The following CCDC15 variants were observed in gnomAD, a reference collection of about 807,000 sequenced individuals.
The protein encoded by CCDC15 is coiled-coil domain containing 15.
Under a neutral mutation model 114.5 loss-of-function variants are expected in CCDC15, and 105 were observed. That is an observed-to-expected ratio of 0.92 (90% CI 0.78 to 1.08). The LOEUF (loss-of-function observed/expected upper bound fraction) is 1.08. Among genes scored for constraint, CCDC15 ranks in the 50% least tolerant of loss-of-function variants. The probability of loss-of-function intolerance (pLI) is 0.00; values close to 1 mark genes in which losing one functional copy is unlikely to be tolerated. For synonymous variants in CCDC15, 334 were observed against 377.8 expected (o/e 0.88, Z 1.34); for missense variants, 1,105 against 1,093.6 (o/e 1.01, Z -0.15).
chr11:124,991,404 T>C (rs1948265656), intron 8 of CCDC15, 57 bp from the exon 9 acceptor site: 2 of 1,185,594 alleles, frequency 1.7e-6, no homozygotes, highest in Admixed American at 4.8e-5. Flanking sequence ...AGAATATTAT[T>C]GCCATCATAT....
intron 14 of CCDC15, 81 bp downstream of exon 14, chr11:125,038,685 G>A: frequency 7.6e-7 from 1 of 1,309,204 alleles, no homozygotes; most frequent in South Asian, 1.6e-5. Flanking sequence ...CCTTAGAAGA[G>A]AATTGACTGT....
At chr11:124,971,230 G>A (rs898459509) in intron 4 of CCDC15, among the ~76,000 whole-genome samples, 1 of 152,160 alleles carries the variant, frequency 6.6e-6, no homozygotes, top group Admixed American at 6.5e-5. Flanking sequence ...GAAAGGAATA[G>A]CATCGACATC....
chr11:125,024,159 G>A (rs981388963), intron 13 of CCDC15, among the ~76,000 whole-genome samples: 1 of 151,876 alleles, frequency 6.6e-6, no homozygotes, highest in Admixed American at 6.6e-5. Context: ...TGTATTCCCA[G>A]CTTTCTCTTC....
intron 11 of CCDC15, among the ~76,000 whole-genome samples, chr11:125,003,345 T>C (rs1385736666): frequency 6.6e-6 from 1 of 151,996 alleles, no homozygotes; most frequent in Non-Finnish European, 1.5e-5. Flanking sequence ...ACCCATGTAA[T>C]GTCCAAGTAG....
chr11:125,020,311 G>T (rs1948653513), intron 13 of CCDC15, among the ~76,000 whole-genome samples: 1 of 151,844 alleles, frequency 6.6e-6, no homozygotes, highest in Admixed American at 6.6e-5. Context: ...CTTGGTGTTG[G>T]CAGATTTCTG....
rs965489105 is a variant in CCDC15, at chr11:124,996,702, C to T, written c.2214+3459C>T. Among the ~76,000 whole-genome samples, 7 of 152,166 alleles carry T rather than the reference C, an allele frequency of 4.6e-5. No homozygotes were observed. In the South Asian group the frequency reaches 8.3e-4, roughly 18 times the overall value. On this transcript the variant is annotated intron_variant, in intron 11 of 15. Coordinates refer to ENST00000344762, the MANE Select transcript of CCDC15 (RefSeq NM_025004.3). ...CCATATACCCGTTAAACAGTAATTTCTCAGTCTCTTCTCCCCATGTCCCTG... is the reference window on the plus strand; with the variant it reads ...CCATATACCCGTTAAACAGTAATTTTTCAGTCTCTTCTCCCCATGTCCCTG...
chr11:125,008,575 C>T (rs1467799230), intron 13 of CCDC15, among the ~76,000 whole-genome samples: 2 of 152,104 alleles, frequency 1.3e-5, no homozygotes, highest in African/African-American at 2.4e-5. Context: ...ACATCTTTGG[C>T]TTGTTTCTTA....
chr11:125,003,218 G>T (rs1053651957), intron 11 of CCDC15, among the ~76,000 whole-genome samples: 1 of 151,816 alleles, frequency 6.6e-6, no homozygotes, highest in Non-Finnish European at 1.5e-5. Context: ...AAATACAATT[G>T]ATTTTTGTAT....
chr11:125,016,505 A>G (rs756109939), intron 13 of CCDC15, among the ~76,000 whole-genome samples: 4 of 152,200 alleles, frequency 2.6e-5, no homozygotes, highest in South Asian at 2.1e-4. Context: ...GAGCTCTAGT[A>G]TAACAATTTC....
rs1555068532 is a variant in CCDC15, at chr11:124,986,719, G to GCGCGCA, written c.754-23_754-22insCGCGCA. On this transcript the variant is annotated intron_variant, in intron 6 of 15. Transcript: ENST00000344762. ...TGTGTGTGCGCGCGCGCGCGTGCGC[G>GCGCGCA]TTTTCATTGTTTTTTTCTTTAGGAA... 2.0e-5 allele frequency: 31 copies of GCGCGCA among 1,532,750 alleles called. No individual in the cohort carries two copies. In the African/African-American group the frequency reaches 2.8e-4, roughly 14 times the overall value. 94.9% of individuals were successfully genotyped at this position (1,532,750 alleles called of 1,614,324 possible). A position where few individuals can be genotyped will look rare whatever the true frequency, so the allele number is the denominator to read the frequency against.
At chr11:125,030,742 CA>C (rs947277838) in intron 13 of CCDC15, among the ~76,000 whole-genome samples, 15 of 152,154 alleles carry the variant, frequency 9.9e-5, no homozygotes, top group African/African-American at 3.6e-4. Flanking sequence ...AGTGGCAGTC[CA>C]TGTTGCTGAG....
intron 4 of CCDC15, among the ~76,000 whole-genome samples, chr11:124,964,372 G>C (rs1273373167): frequency 1.3e-5 from 2 of 152,164 alleles, no homozygotes; most frequent in African/African-American, 2.4e-5. Flanking sequence ...CTTCATGTAA[G>C]TTGGATTCCT....
Position 125,011,239 on chromosome 11 carries a change from A to T in CCDC15, c.2411+6027A>T, listed in dbSNP as rs566736138. Among the ~76,000 whole-genome samples, 320 of 135,156 alleles carry T rather than the reference A, an allele frequency of 2.4e-3. 3 individuals are homozygous for T. The highest frequency in any genetic ancestry group is 0.012 in the Middle Eastern group (3 of 248). The allele number at this position is 135,156 out of a possible 152,430, so 88.7% of individuals were successfully genotyped here. A position where few individuals can be genotyped will look rare whatever the true frequency, so the allele number is the denominator to read the frequency against. ...TAGAAGTATTATTATTATTATTATT[A>T]TTATTATTATTTTTTAAGATGGAGT... is the stretch of plus-strand genomic sequence containing the variant. On this transcript the variant is annotated intron_variant, in intron 13 of 15. Coordinates refer to ENST00000344762, the MANE Select transcript of CCDC15 (RefSeq NM_025004.3).
At chr11:124,964,949 A>G (rs935764006) in intron 4 of CCDC15, among the ~76,000 whole-genome samples, 2 of 151,796 alleles carry the variant, frequency 1.3e-5, no homozygotes, top group African/African-American at 4.8e-5. Flanking sequence ...ACGTTTATTG[A>G]TTTGCATTTG....
At chr11:125,028,857 G>T (rs1045704694) in intron 13 of CCDC15, among the ~76,000 whole-genome samples, 3 of 152,072 alleles carry the variant, frequency 2.0e-5, no homozygotes, top group Non-Finnish European at 2.9e-5. Context: ...TACTGTGTTA[G>T]TCAGGGTTCT....
At chr11:124,998,708 T>C (rs1418042929) in intron 11 of CCDC15, among the ~76,000 whole-genome samples, 2 of 151,686 alleles carry the variant, frequency 1.3e-5, no homozygotes, top group Non-Finnish European at 2.9e-5. Flanking sequence ...ATCATACATG[T>C]TTTTATGAAA....
intron 13 of CCDC15, among the ~76,000 whole-genome samples, chr11:125,023,209 G>A (rs1411364483): frequency 1.3e-5 from 2 of 151,856 alleles, no homozygotes; most frequent in Non-Finnish European, 1.5e-5. Flanking sequence ...TTTTTTGTAC[G>A]AGGATACCCA....
chr11:124,958,543 G>A (rs1276299131), intron 2 of CCDC15, among the ~76,000 whole-genome samples: 3 of 152,158 alleles, frequency 2.0e-5, no homozygotes, highest in Middle Eastern at 3.4e-3. Context: ...ACTAGATGCC[G>A]TAGGGGAAAT....
At chr11:125,039,776 T>A (rs1254901070) in intron 15 of CCDC15, among the ~76,000 whole-genome samples, 1 of 152,044 alleles carries the variant, frequency 6.6e-6, no homozygotes, top group Admixed American at 6.5e-5. Flanking sequence ...CAGTATAAGA[T>A]GCATGGCATG....
Sources: allele counts gnomAD v4.1 joint callset (sites outside exome capture counted in the v4.1 genomes callset), GRCh38; gene constraint gnomAD v4.1.1; transcripts MANE v1.5; gene names NCBI Gene and HGNC (gene_info 2026-07-23, HGNC 2026-07-21).